Variants in ZFPM2 observed in about 807,000 individuals in gnomAD.
The protein encoded by ZFPM2 is zinc finger protein ZFPM2.
ZFPM2 carries 20 observed loss-of-function variants against 98.6 expected under a neutral mutation model. The ratio of observed to expected loss-of-function variants is 0.20; its 90% CI spans 0.14 to 0.29. The LOEUF is 0.29. Among genes scored for constraint, ZFPM2 ranks in the 10% least tolerant of loss-of-function variants. The pLI, the probability that ZFPM2 is intolerant of heterozygous loss-of-function variation, is 1.00. For synonymous variants in ZFPM2, 518 were observed against 502.7 expected, an observed-to-expected ratio of 1.03 and a Z score of -0.41; for missense variants, 1,310 against 1,388.6, an observed-to-expected ratio of 0.94 and a Z score of 0.90.
At chr8:105,550,004 A>G (rs1429873541) in intron 3 of ZFPM2, among the ~76,000 whole-genome samples, 1 of 152,174 alleles carries the variant, frequency 6.6e-6, no homozygotes, top group Non-Finnish European at 1.5e-5. Context: ...ATATACTAAA[A>G]TACAACATTG....
intron 2 of ZFPM2, among the ~76,000 whole-genome samples, chr8:105,436,573 G>T (rs530798912): frequency 6.6e-6 from 1 of 151,960 alleles, no homozygotes; most frequent in South Asian, 2.1e-4. Flanking sequence ...ACATGATAAG[G>T]ATAAAGCAGC....
At chr8:105,555,526 C>T (rs1450454854) in intron 3 of ZFPM2, among the ~76,000 whole-genome samples, 2 of 152,162 alleles carry the variant, frequency 1.3e-5, no homozygotes, top group East Asian at 1.9e-4. Context: ...TTCATCCCAT[C>T]AATTGTGTTC....
chr8:105,587,564 G>A (rs1347638027), intron 4 of ZFPM2, among the ~76,000 whole-genome samples: 3 of 152,158 alleles, frequency 2.0e-5, no homozygotes, highest in African/African-American at 7.2e-5. Flanking sequence ...CATTGTAAAA[G>A]TACTAGCAGG....
intron 1 of ZFPM2, among the ~76,000 whole-genome samples, chr8:105,324,705 C>T (rs1812085033): frequency 6.6e-6 from 1 of 151,840 alleles, no homozygotes; most frequent in Non-Finnish European, 1.5e-5. Context: ...ATAACTTTTC[C>T]TCAAAAGGTA....
intron 1 of ZFPM2, among the ~76,000 whole-genome samples, chr8:105,410,584 A>C (rs1811556994): frequency 6.6e-6 from 1 of 151,914 alleles, no homozygotes; most frequent in Non-Finnish European, 1.5e-5. Context: ...GTACTAGCTT[A>C]ACTTTGTTAT....
chr8:105,368,264 T>G (rs1348008004), intron 1 of ZFPM2, among the ~76,000 whole-genome samples: 1 of 151,810 alleles, frequency 6.6e-6, no homozygotes, highest in Non-Finnish European at 1.5e-5. Flanking sequence ...GAGGATTCCC[T>G]CTTTTTCTAT....
Position 105,318,459 on chromosome 8 carries a change from G to C in ZFPM2, c.-483G>C, listed in dbSNP as rs890656077. On this transcript the variant is annotated 5_prime_UTR_variant, in exon 1 of 8. Coordinates refer to ENST00000407775, the MANE Select transcript of ZFPM2 (RefSeq NM_012082.4). ...CCGCAGAACAGGAGCTGCGCGGCCC[G>C]GAGCGGCGGCGGCGGCGCCGGAGTA... Among the ~76,000 whole-genome samples the C allele has an allele frequency of 6.6e-6, 1 of 151,198 alleles. No homozygotes were observed. The highest frequency in any genetic ancestry group is 2.1e-4 in the South Asian group (1 of 4,788).
intron 1 of ZFPM2, among the ~76,000 whole-genome samples, chr8:105,325,467 A>G (rs72671653): frequency 7.2e-4 from 110 of 151,888 alleles, no homozygotes; most frequent in Admixed American, 1.1e-3. Flanking sequence ...GATCAATATT[A>G]GTATTAATTA....
rs536450012 is a variant in ZFPM2, at chr8:105,566,917, T to A, written c.420+5436T>A. 8.9e-4 allele frequency among the ~76,000 whole-genome samples: 135 copies of A among 152,210 alleles called. No individual in the cohort carries two copies. In the Middle Eastern group the frequency reaches 0.01, roughly 12 times the overall value. On this transcript the variant is annotated intron_variant, in intron 4 of 7. Coordinates refer to ENST00000407775, the MANE Select transcript of ZFPM2 (RefSeq NM_012082.4). The stretch of plus-strand genomic sequence containing the variant: ...GGTATTTGTGATACTGAATTTTTTT[T>A]AAAAAAATGAAATATACATATAAAG...
intron 4 of ZFPM2, among the ~76,000 whole-genome samples, chr8:105,618,867 T>A (rs1816473090): frequency 6.6e-6 from 1 of 152,120 alleles, no homozygotes; most frequent in Non-Finnish European, 1.5e-5. Flanking sequence ...TAAGGCATGC[T>A]GAGATAATGA....
At chr8:105,751,278 C>T (rs1207096768) in intron 5 of ZFPM2, among the ~76,000 whole-genome samples, 1 of 151,982 alleles carries the variant, frequency 6.6e-6, no homozygotes, top group African/African-American at 2.4e-5. Flanking sequence ...AAATGTGTCT[C>T]AAATAATTAA....
intron 5 of ZFPM2, among the ~76,000 whole-genome samples, chr8:105,737,085 T>C (rs1314311927): frequency 6.6e-6 from 1 of 152,040 alleles, no homozygotes; most frequent in African/African-American, 2.4e-5. Flanking sequence ...TGGAAGTCCA[T>C]CTATGGCTTT....
chr8:105,455,614 G>A (rs1812573706), intron 3 of ZFPM2, among the ~76,000 whole-genome samples: 1 of 152,186 alleles, frequency 6.6e-6, no homozygotes, highest in Admixed American at 6.5e-5. Flanking sequence ...AAACGACTCT[G>A]ATGACTATGT....
chr8:105,419,433 TAAACA>T, intron 2 of ZFPM2, 131 bp downstream of exon 2: 2 of 1,140,014 alleles, frequency 1.8e-6, no homozygotes, highest in South Asian at 1.7e-5. Context: ...CAGATTTTTT[TAAACA>T]TAAAATTTTA....
chr8:105,319,141 C>G (rs1403906311), intron 1 of ZFPM2, among the ~76,000 whole-genome samples, 160 bp downstream of exon 1: 2 of 152,110 alleles, frequency 1.3e-5, no homozygotes, highest in Admixed American at 1.3e-4. Context: ...GACAACTAGA[C>G]AGTCATAGAC....
At chr8:105,607,279 T>G (rs2130793335) in intron 4 of ZFPM2, among the ~76,000 whole-genome samples, 1 of 152,238 alleles carries the variant, frequency 6.6e-6, no homozygotes, top group South Asian at 2.1e-4. Context: ...CAAGAAAACC[T>G]TATCTTTTTT....
intron 5 of ZFPM2, among the ~76,000 whole-genome samples, chr8:105,694,198 G>T (rs1008815728): frequency 6.6e-6 from 1 of 151,654 alleles, no homozygotes; most frequent in Non-Finnish European, 1.5e-5. Context: ...GTGTTAGCCA[G>T]GATGGTCTCA....
chr8:105,676,384 G>T (rs1466597784), intron 5 of ZFPM2, among the ~76,000 whole-genome samples: 1 of 152,046 alleles, frequency 6.6e-6, no homozygotes, highest in Non-Finnish European at 1.5e-5. Context: ...CCCAATTGTA[G>T]TACTGAAATT....
At chr8:105,525,296 A>G (rs768710200) in intron 3 of ZFPM2, among the ~76,000 whole-genome samples, 1 of 152,210 alleles carries the variant, frequency 6.6e-6, no homozygotes, top group East Asian at 1.9e-4. Context: ...CTTCTGACCT[A>G]TCAGCTTTAT....
Sources: gnomAD v4.1 joint callset for allele counts (sites outside exome capture counted in the v4.1 genomes callset) on GRCh38, gnomAD v4.1.1 for gene constraint, MANE v1.5 for transcripts, NCBI Gene and HGNC (gene_info 2026-07-23, HGNC 2026-07-21) for gene names.